The following TMTC2 variants were observed in gnomAD, a reference collection of about 807,000 sequenced individuals.
TMTC2 encodes protein O-mannosyl-transferase TMTC2.
A neutral mutation model predicts 82.4 loss-of-function variants in TMTC2; 43 were observed. The observed-to-expected ratio is 0.52, with a 90% CI of 0.41 to 0.67. The LOEUF is 0.67. Ranked by LOEUF, TMTC2 falls within the 30% of genes least tolerant of loss-of-function variation. TMTC2 has a pLI of 0.00. For missense variants in TMTC2, 919 were observed against 1,012.4 expected, an observed-to-expected ratio of 0.91 and a Z score of 1.25; for synonymous variants, 408 against 381.9, an observed-to-expected ratio of 1.07 and a Z score of -0.80.
chr12:83,123,557 A>G (rs897174619), intron 11 of TMTC2, among the ~76,000 whole-genome samples: 1 of 152,172 alleles, frequency 6.6e-6, no homozygotes, highest in Non-Finnish European at 1.5e-5. Flanking sequence ...CCTTTTGTGA[A>G]GATCATTTGT....
chr12:82,866,613 T>A (rs1871879885), intron 2 of TMTC2, among the ~76,000 whole-genome samples: 1 of 152,174 alleles, frequency 6.6e-6, no homozygotes, highest in Non-Finnish European at 1.5e-5. Flanking sequence ...ACCTGCTGCC[T>A]GGGGGAATCA....
intron 1 of TMTC2, among the ~76,000 whole-genome samples, chr12:82,783,849 A>G (rs1412134636): frequency 6.6e-6 from 1 of 152,038 alleles, no homozygotes; most frequent in Non-Finnish European, 1.5e-5. Context: ...ATCAACCTCA[A>G]ATGGTTCTCT....
chr12:82,754,123 T>C (rs576417352), intron 1 of TMTC2, among the ~76,000 whole-genome samples: 62 of 152,326 alleles, frequency 4.1e-4, no homozygotes, highest in African/African-American at 1.4e-3. Context: ...CTTTAGTTTA[T>C]CAGAAAGAAG....
At chr12:83,004,194 G>A (rs1202707170) in intron 8 of TMTC2, among the ~76,000 whole-genome samples, 3 of 152,078 alleles carry the variant, frequency 2.0e-5, no homozygotes, top group African/African-American at 7.2e-5. Context: ...GACATTCCTT[G>A]TGAATTTTTC....
At chr12:82,767,779 T>TA (rs1441236707) in intron 1 of TMTC2, among the ~76,000 whole-genome samples, 1 of 152,224 alleles carries the variant, frequency 6.6e-6, no homozygotes, top group African/African-American at 2.4e-5. Flanking sequence ...TATTTCTTCT[T>TA]ACGAAAATTG....
intron 8 of TMTC2, among the ~76,000 whole-genome samples, chr12:82,994,199 C>G (rs1026560913): frequency 9.2e-5 from 14 of 152,048 alleles, no homozygotes; most frequent in Admixed American, 7.9e-4. Flanking sequence ...CTGTATCGCC[C>G]CAGGCTGGAG....
chr12:82,731,800 G>A (rs1226726832), intron 1 of TMTC2, among the ~76,000 whole-genome samples: 2 of 152,182 alleles, frequency 1.3e-5, no homozygotes, highest in Non-Finnish European at 2.9e-5. Flanking sequence ...ATTTTACATG[G>A]AATGGTTTGT....
intron 9 of TMTC2, among the ~76,000 whole-genome samples, chr12:83,046,154 G>A (rs1307202701): frequency 6.6e-6 from 1 of 152,098 alleles, no homozygotes; most frequent in Non-Finnish European, 1.5e-5. Flanking sequence ...TTCTCAGGAG[G>A]CAAGAACTGA....
At chr12:83,131,814 C>T (rs1359579675) in intron 11 of TMTC2, among the ~76,000 whole-genome samples, 1 of 152,184 alleles carries the variant, frequency 6.6e-6, no homozygotes, top group African/African-American at 2.4e-5. Flanking sequence ...GATTTGTCAA[C>T]TTTACCCACT....
At chr12:82,918,967 A>C (rs1228897924) in intron 3 of TMTC2, among the ~76,000 whole-genome samples, 1 of 152,212 alleles carries the variant, frequency 6.6e-6, no homozygotes, top group Non-Finnish European at 1.5e-5. Flanking sequence ...CATGTTGGCC[A>C]GGCTGGTCTT....
At chr12:82,883,358 TAAGG>T (rs1872932453) in intron 2 of TMTC2, among the ~76,000 whole-genome samples, 1 of 152,200 alleles carries the variant, frequency 6.6e-6, no homozygotes, top group Non-Finnish European at 1.5e-5. Context: ...TGAACATCTA[TAAGG>T]CATGTATGTT....
chr12:82,781,529 C>G (rs1308941602), intron 1 of TMTC2, among the ~76,000 whole-genome samples: 1 of 150,540 alleles, frequency 6.6e-6, no homozygotes, highest in African/African-American at 2.4e-5. Flanking sequence ...AACACAGATG[C>G]TAATTGTATT....
chr12:82,806,393 A>G (rs968906365), intron 1 of TMTC2, among the ~76,000 whole-genome samples: 3 of 152,194 alleles, frequency 2.0e-5, no homozygotes, highest in Non-Finnish European at 4.4e-5. Context: ...GGACCAAAGA[A>G]GAATCAGATA....
intron 9 of TMTC2, among the ~76,000 whole-genome samples, chr12:83,040,679 C>CTTTTTTTTTTT (rs750327519): frequency 8.1e-6 from 1 of 124,204 alleles, no homozygotes; most frequent in Non-Finnish European, 1.6e-5. Context: ...CTGTCCTTTT[C>CTTTTTTTTTTT]TTTTTTTTTT....
chr12:82,742,401 A>G (rs1875459073), intron 1 of TMTC2, among the ~76,000 whole-genome samples: 1 of 152,072 alleles, frequency 6.6e-6, no homozygotes, highest in South Asian at 2.1e-4. Flanking sequence ...TTTACATTAT[A>G]TGCCACCACT....
chr12:82,786,330 A>G (rs1397380954), intron 1 of TMTC2, among the ~76,000 whole-genome samples: 5 of 152,108 alleles, frequency 3.3e-5, no homozygotes. Flanking sequence ...CCCAGTTTAA[A>G]TAATGGTATA....
At chr12:82,698,027 A>G (rs1219265678) in intron 1 of TMTC2, among the ~76,000 whole-genome samples, 2 of 152,216 alleles carry the variant, frequency 1.3e-5, no homozygotes, top group African/African-American at 2.4e-5. Context: ...CAGTGAAGGT[A>G]TCTAAGTAAG....
intron 8 of TMTC2, among the ~76,000 whole-genome samples, chr12:83,026,197 T>G (rs10778931): frequency 0.89 from 135,577 of 152,018 alleles, 60,474 homozygotes; most frequent in South Asian, 0.96. Context: ...AGACACTCCT[T>G]TTAGGCAATT....
Position 83,059,728 on chromosome 12 carries a change from A to G in TMTC2, c.2268-2040A>G, listed in dbSNP as rs186223109. On this transcript the variant is annotated intron_variant, in intron 10 of 11. Transcript: ENST00000321196. ...GGGCAGTAAAACCTTTTAAAAATTA[A>G]GTTTATTATTATTTTCAAGGCATTT... 3.0e-4 allele frequency among the ~76,000 whole-genome samples: 45 copies of G among 151,858 alleles called. No homozygotes were observed. The East Asian group carries it at 5.2e-3, about 18-fold the overall frequency.
Sources: gnomAD v4.1 joint callset for allele counts (sites outside exome capture counted in the v4.1 genomes callset) on GRCh38, gnomAD v4.1.1 for gene constraint, MANE v1.5 for transcripts, NCBI Gene and HGNC (gene_info 2026-07-23, HGNC 2026-07-21) for gene names.